The following AKAP19 variants were observed in gnomAD, a reference collection of about 807,000 sequenced individuals.
AKAP19 encodes A-kinase anchoring protein 19.
chr2:190,048,385 T>C, the AKAP19 span, among the ~76,000 whole-genome samples: 1 of 152,276 alleles, frequency 6.6e-6, no homozygotes, highest in Non-Finnish European at 1.5e-5. Flanking sequence ...AACCATAGAA[T>C]GCCATGTGCT....
chr2:189,893,257 A>G, the AKAP19 span, among the ~76,000 whole-genome samples: 18 of 152,268 alleles, frequency 1.2e-4, no homozygotes, highest in African/African-American at 3.8e-4. Context: ...TCCAGACACC[A>G]CTGGGGTATG....
At chr2:189,952,893 A>G in the AKAP19 span, among the ~76,000 whole-genome samples, 5 of 152,230 alleles carry the variant, frequency 3.3e-5, no homozygotes, top group Non-Finnish European at 7.3e-5. Flanking sequence ...ACTTTCAGTT[A>G]CACTCATTTA....
chr2:189,994,738 G>T, the AKAP19 span, among the ~76,000 whole-genome samples: 1 of 151,698 alleles, frequency 6.6e-6, no homozygotes, highest in Non-Finnish European at 1.5e-5. Flanking sequence ...AGCTGGGATT[G>T]CAGGTGTGTG....
the AKAP19 span, among the ~76,000 whole-genome samples, chr2:190,140,454 G>A: frequency 6.6e-6 from 1 of 152,186 alleles, no homozygotes; most frequent in African/African-American, 2.4e-5. Context: ...ACTACTGCTT[G>A]GACATCCAGG....
At chr2:189,999,426 G>T in the AKAP19 span, among the ~76,000 whole-genome samples, 2 of 151,548 alleles carry the variant, frequency 1.3e-5, no homozygotes, top group Non-Finnish European at 2.9e-5. Context: ...GAATTCTTTT[G>T]TGTCATAGAA....
chr2:189,895,857 T>C, the AKAP19 span, among the ~76,000 whole-genome samples: 1 of 151,704 alleles, frequency 6.6e-6, no homozygotes, highest in South Asian at 2.1e-4. Flanking sequence ...AAAATCATAG[T>C]GCTATTACCC....
chr2:189,966,131 G>A, the AKAP19 span, among the ~76,000 whole-genome samples: 8 of 151,550 alleles, frequency 5.3e-5, no homozygotes, highest in East Asian at 3.9e-4. Flanking sequence ...CGTGGGAGCC[G>A]AGCTGTGAGT....
chr2:190,084,466 T>C, the AKAP19 span, among the ~76,000 whole-genome samples: 1 of 152,186 alleles, frequency 6.6e-6, no homozygotes, highest in Non-Finnish European at 1.5e-5. Flanking sequence ...ATGGGAAGTA[T>C]AGTTTATCTA....
chr2:189,971,694 T>C, the AKAP19 span, among the ~76,000 whole-genome samples: 2 of 152,226 alleles, frequency 1.3e-5, no homozygotes, highest in Non-Finnish European at 2.9e-5. Context: ...TGTGAGATGG[T>C]ATCTCATTGC....
the AKAP19 span, among the ~76,000 whole-genome samples, chr2:190,143,284 G>GAA: frequency 0.4 from 47,954 of 118,734 alleles, 10,816 homozygotes; most frequent in East Asian, 0.75. Context: ...TATCCTGTAG[G>GAA]AAAAAAAAAA....
chr2:189,884,460 T>C, the AKAP19 span, among the ~76,000 whole-genome samples: 2 of 152,210 alleles, frequency 1.3e-5, no homozygotes, highest in East Asian at 1.9e-4. Context: ...TCCTTAGTTT[T>C]CTTAGTCAAT....
At chr2:189,897,195 A>C in the AKAP19 span, among the ~76,000 whole-genome samples, 1 of 152,150 alleles carries the variant, frequency 6.6e-6, no homozygotes, top group African/African-American at 2.4e-5. Flanking sequence ...CGTATTTCTT[A>C]TTTCTTTTTA....
chr2:190,134,300 A>T, the AKAP19 span, among the ~76,000 whole-genome samples: 1 of 152,144 alleles, frequency 6.6e-6, no homozygotes, highest in African/African-American at 2.4e-5. Flanking sequence ...TACTCCTGGG[A>T]CCAGGGATGC....
chr2:189,977,310 C>T, the AKAP19 span, among the ~76,000 whole-genome samples: 2 of 152,106 alleles, frequency 1.3e-5, no homozygotes, highest in African/African-American at 4.8e-5. Context: ...TCTCCTTGCC[C>T]TAATAGAGCT....
chr2:190,124,890 A>T, the AKAP19 span, among the ~76,000 whole-genome samples: 4 of 151,982 alleles, frequency 2.6e-5, no homozygotes, highest in African/African-American at 9.7e-5. Flanking sequence ...TTTTACTTTT[A>T]AACTTTTTTG....
At chr2:190,203,468 A>T in the AKAP19 span, 1 of 165,884 alleles carries the variant, frequency 6.0e-6, no homozygotes, top group Non-Finnish European at 1.5e-5. Flanking sequence ...GCACAATAAA[A>T]GTCCAGTTGC....
the AKAP19 span, among the ~76,000 whole-genome samples, chr2:190,085,944 G>A: frequency 0.82 from 124,684 of 152,144 alleles, 51,216 homozygotes; most frequent in East Asian, 0.92. Flanking sequence ...TCTTGTACCA[G>A]TGGGGCTGAA....
At chr2:189,959,717 AG>A in the AKAP19 span, among the ~76,000 whole-genome samples, 12 of 152,208 alleles carry the variant, frequency 7.9e-5, no homozygotes, top group Non-Finnish European at 1.3e-4. Context: ...ACAAGCTAAC[AG>A]CCAGCTGTGC....
At chr2:190,123,115 A>C in the AKAP19 span, among the ~76,000 whole-genome samples, 1 of 152,090 alleles carries the variant, frequency 6.6e-6, no homozygotes, top group Non-Finnish European at 1.5e-5. Context: ...ACACACACTA[A>C]ATATAGAATA....
Sources: allele counts gnomAD v4.1 joint callset (sites outside exome capture counted in the v4.1 genomes callset), GRCh38; gene constraint gnomAD v4.1.1; transcripts MANE v1.5; gene names NCBI Gene and HGNC (gene_info 2026-07-23, HGNC 2026-07-21).